Variants in CDH13 observed in about 807,000 individuals in gnomAD.
CDH13 encodes cadherin-13.
A neutral mutation model predicts 63.8 loss-of-function variants in CDH13; 24 were observed. The ratio of observed to expected loss-of-function variants is 0.38; its 90% CI spans 0.27 to 0.53. The LOEUF (loss-of-function observed/expected upper bound fraction) is 0.53, where lower values mean the gene tolerates loss of function less well. Among genes scored for constraint, CDH13 ranks in the 20% least tolerant of loss-of-function variants. CDH13 has a pLI of 0.85. For synonymous variants in CDH13, 503 were observed against 355.3 expected, an observed-to-expected ratio of 1.42 and a Z score of -4.67; for missense variants, 1,049 against 903.1, an observed-to-expected ratio of 1.16 and a Z score of -2.07.
intron 1 of CDH13, among the ~76,000 whole-genome samples, chr16:82,796,689 C>T (rs1038572433): frequency 2.6e-5 from 4 of 152,250 alleles, no homozygotes; most frequent in Non-Finnish European, 4.4e-5. Flanking sequence ...GACACTGGCC[C>T]TAGTGGCCAC....
chr16:83,092,782 C>G (rs1453043513), intron 3 of CDH13, among the ~76,000 whole-genome samples: 2 of 152,302 alleles, frequency 1.3e-5, no homozygotes, highest in Admixed American at 6.5e-5. Flanking sequence ...TCTAGATTCA[C>G]TCACCAAATC....
At chr16:82,799,862 T>G (rs1192473137) in intron 1 of CDH13, among the ~76,000 whole-genome samples, 4 of 152,210 alleles carry the variant, frequency 2.6e-5, no homozygotes, top group Non-Finnish European at 5.9e-5. Flanking sequence ...TGATGGATTT[T>G]GGCTTTATGG....
At chr16:82,934,100 C>T (rs1811470864) in intron 2 of CDH13, among the ~76,000 whole-genome samples, 1 of 152,242 alleles carries the variant, frequency 6.6e-6, no homozygotes, top group Non-Finnish European at 1.5e-5. Context: ...GCTCTGATCC[C>T]ACATTCCCCT....
rs532522559 is a variant in CDH13, at chr16:83,386,358, C to T, written c.781+41352C>T. On this transcript the variant is annotated intron_variant, in intron 6 of 13. Transcript: ENST00000567109. ...CAGGATGCTGGAATGTTGGGGGCAG[C>T]GCTATTATTAGAGACACCTGGTCAC... is the stretch of plus-strand genomic sequence containing the variant. Among the ~76,000 whole-genome samples, 32 of 152,238 alleles carry T rather than the reference C, an allele frequency of 2.1e-4. No individual in the cohort carries two copies. In the South Asian group the frequency reaches 2.3e-3, roughly 11 times the overall value.
At chr16:83,056,371 A>G (rs1247830369) in intron 3 of CDH13, among the ~76,000 whole-genome samples, 3 of 152,222 alleles carry the variant, frequency 2.0e-5, no homozygotes, top group Non-Finnish European at 4.4e-5. Flanking sequence ...AACACTTTGT[A>G]ATAGCTAAAA....
At chr16:83,525,235 A>G (rs2074934371) in intron 7 of CDH13, among the ~76,000 whole-genome samples, 1 of 152,220 alleles carries the variant, frequency 6.6e-6, no homozygotes, top group Non-Finnish European at 1.5e-5. Context: ...CCTGAAGTCT[A>G]AGACAGCTTC....
intron 1 of CDH13, among the ~76,000 whole-genome samples, chr16:82,686,661 G>A (rs117074004): frequency 6.6e-5 from 10 of 152,160 alleles, no homozygotes; most frequent in South Asian, 2.1e-4. Flanking sequence ...TATGATTCCC[G>A]GAGATAACGT....
chr16:83,216,408 A>ATGTATATATATATATG lies in CDH13; in HGVS notation c.484-936_484-935insGTATATATATATATGT, dbSNP rs66685513. 9.2e-5 allele frequency among the ~76,000 whole-genome samples: 7 copies of ATGTATATATATATATG among 76,020 alleles called. 1 individual carries two copies. Among genetic ancestry groups the ATGTATATATATATATG allele is most frequent in the East Asian group, 4.9e-4 (1 of 2,022 alleles). The allele number at this position is 76,020 out of a possible 152,430, so 49.9% of individuals were successfully genotyped here. A position where few individuals can be genotyped will look rare whatever the true frequency, so the allele number is the denominator to read the frequency against. On this transcript the variant is annotated intron_variant, in intron 4 of 13. Transcript: ENST00000567109. ...GCCTCCAGCATTGAAATATATATATATATATATATATATATATATATATAT... is the reference window on the plus strand; with the variant it reads ...GCCTCCAGCATTGAAATATATATATATGTATATATATATATGTATATATATATATATATATATATAT...
chr16:82,831,726 G>A (rs865932595), intron 1 of CDH13, among the ~76,000 whole-genome samples: 1 of 152,126 alleles, frequency 6.6e-6, no homozygotes, highest in African/African-American at 2.4e-5. Flanking sequence ...TGTTCCATGG[G>A]GCCAGGATTG....
chr16:83,781,973 A>T (rs905305746), intron 12 of CDH13, among the ~76,000 whole-genome samples: 2 of 152,054 alleles, frequency 1.3e-5, no homozygotes, highest in Non-Finnish European at 2.9e-5. Flanking sequence ...TCCTCTACTA[A>T]AGGAAGATGG....
intron 8 of CDH13, among the ~76,000 whole-genome samples, chr16:83,653,540 T>C (rs975216581): frequency 6.6e-5 from 10 of 151,968 alleles, no homozygotes; most frequent in African/African-American, 2.2e-4. Context: ...AATTAAAATA[T>C]ATAGAGCTCC....
At chr16:83,227,534 G>T (rs1003873015) in intron 5 of CDH13, among the ~76,000 whole-genome samples, 4 of 152,200 alleles carry the variant, frequency 2.6e-5, no homozygotes, top group Admixed American at 2.6e-4. Context: ...GCAATGCTGG[G>T]AAGCCAGCCA....
At position 82,671,714 on chromosome 16, in the gene CDH13, C is replaced by G. The variant is rs541280159; in HGVS notation, c.45+44577C>G. On this transcript the variant is annotated intron_variant, in intron 1 of 13. Transcript: ENST00000567109. ...ATTTTAACTTCGTGCCCAAGCTGTT[C>G]TAGAACTCAATTTATCAGATCCAGA... 2.0e-5 allele frequency among the ~76,000 whole-genome samples: 3 copies of G among 152,252 alleles called. No individual in the cohort carries two copies. In the East Asian group the frequency reaches 5.8e-4, roughly 29 times the overall value.
chr16:82,973,371 G>A (rs548938294), intron 2 of CDH13, among the ~76,000 whole-genome samples: 1 of 152,308 alleles, frequency 6.6e-6, no homozygotes, highest in Non-Finnish European at 1.5e-5. Flanking sequence ...AAGCCTGTTT[G>A]GGTGTCCTTA....
At chr16:83,235,797 A>G (rs149320359) in intron 5 of CDH13, among the ~76,000 whole-genome samples, 18 of 152,188 alleles carry the variant, frequency 1.2e-4, no homozygotes, top group African/African-American at 4.1e-4. Flanking sequence ...GTGTTAATAC[A>G]TAGACTGAGG....
At chr16:83,206,050 G>C (rs777691437) in intron 4 of CDH13, among the ~76,000 whole-genome samples, 1 of 152,050 alleles carries the variant, frequency 6.6e-6, no homozygotes, top group Non-Finnish European at 1.5e-5. Flanking sequence ...ATTTCATTAC[G>C]GGGTGGCCTG....
At chr16:83,343,865 T>C (rs1466216015) in intron 5 of CDH13, among the ~76,000 whole-genome samples, 1 of 152,184 alleles carries the variant, frequency 6.6e-6, no homozygotes, top group Admixed American at 6.5e-5. Flanking sequence ...ATCCAAAGGG[T>C]TGTTATGACA....
chr16:83,328,521 C>T (rs1409041804), intron 5 of CDH13, among the ~76,000 whole-genome samples: 1 of 152,116 alleles, frequency 6.6e-6, no homozygotes, highest in Non-Finnish European at 1.5e-5. Context: ...ATTCAAAGAT[C>T]GTGTGGAAAC....
intron 3 of CDH13, among the ~76,000 whole-genome samples, chr16:83,078,486 A>T (rs1021588843): frequency 1.3e-5 from 2 of 152,212 alleles, no homozygotes; most frequent in Non-Finnish European, 2.9e-5. Flanking sequence ...CTCCTATAAG[A>T]GTCTAATGCC....
Sources: gnomAD v4.1 joint callset for allele counts (sites outside exome capture counted in the v4.1 genomes callset) on GRCh38, gnomAD v4.1.1 for gene constraint, MANE v1.5 for transcripts, NCBI Gene and HGNC (gene_info 2026-07-23, HGNC 2026-07-21) for gene names.